Variants in ZRANB1 observed in about 807,000 individuals in gnomAD.
ZRANB1 encodes the protein zinc finger RANBP2-type containing 1.
In ZRANB1, 16 loss-of-function variants were observed where a neutral mutation model predicts 80.5. The ratio of observed to expected loss-of-function variants is 0.20; its 90% CI spans 0.13 to 0.30. The LOEUF is 0.30. Among genes scored for constraint, ZRANB1 ranks in the 10% least tolerant of loss-of-function variants. The pLI, the probability that ZRANB1 is intolerant of heterozygous loss-of-function variation, is 1.00. For missense variants in ZRANB1, 576 were observed against 862.6 expected (o/e 0.67, Z 4.16); for synonymous variants, 291 against 293.1 (o/e 0.99, Z 0.07).
upstream of ZRANB1, among the ~76,000 whole-genome samples, chr10:124,939,697 T>C (rs900232825): frequency 1.3e-5 from 2 of 152,220 alleles, no homozygotes; most frequent in African/African-American, 4.8e-5. Context: ...ATGTTCATTA[T>C]GGCATTTATC....
intron 1 of ZRANB1, chr10:124,962,245 C>G (rs139514235): frequency 1.3e-5 from 3 of 226,094 alleles, no homozygotes; most frequent in Non-Finnish European, 2.2e-5. Context: ...TGGTAAAGGA[C>G]ATTCTGAACA....
chr10:124,981,425 A>C, intron 5 of ZRANB1: 1 of 209,684 alleles, frequency 4.8e-6, no homozygotes, highest in Non-Finnish European at 9.0e-6. Context: ...CTAATTGTGG[A>C]CAGTGGAAAA....
chr10:124,954,163 T>C (rs1435192042), intron 1 of ZRANB1, among the ~76,000 whole-genome samples: 4 of 146,060 alleles, frequency 2.7e-5, no homozygotes, highest in Non-Finnish European at 6.0e-5. Context: ...TTTTTTTTTT[T>C]TTTGTAGAGG....
chr10:124,980,636 G>A (rs1330270119), intron 5 of ZRANB1, among the ~76,000 whole-genome samples: 3 of 152,190 alleles, frequency 2.0e-5, no homozygotes, highest in Non-Finnish European at 2.9e-5. Context: ...CCTCAGTTAC[G>A]TGGAGTATGA....
upstream of ZRANB1, among the ~76,000 whole-genome samples, chr10:124,941,848 C>T (rs925750232): frequency 5.3e-5 from 8 of 152,110 alleles, no homozygotes; most frequent in Admixed American, 5.2e-4. Flanking sequence ...AAGGAACTAC[C>T]TATTTCATAA....
Position 124,983,371 on chromosome 10 carries a change from GCA to G in ZRANB1, c.1678+68_1678+69del. ...GGAATGGCTCAGATGTCAGGAAGGA[GCA>G]GTGGACAGGGGAATGTGAACAAGGG... On this transcript the variant is annotated intron_variant, in intron 7 of 8. Transcript: ENST00000359653. This position sits in a 1 kb window ranked among gnomAD's most constrained non-coding sequence, Gnocchi z 6.2. The G allele has an allele frequency of 6.3e-7, 1 of 1,599,382 alleles. No homozygotes were observed. The highest frequency in any genetic ancestry group is 8.5e-7 in the Non-Finnish European group (1 of 1,170,948).
rs563534323 is a variant in ZRANB1 at position 124,972,958 on chromosome 10, T to G, written c.1157-687T>G. 3.5e-4 allele frequency among the ~76,000 whole-genome samples: 53 copies of G among 152,174 alleles called. 1 individual carries two copies. The South Asian group carries it at 5.2e-3, about 15-fold the overall frequency. On this transcript the variant is annotated intron_variant, in intron 3 of 8. Coordinates refer to ENST00000359653, the MANE Select transcript of ZRANB1 (RefSeq NM_017580.3). The stretch of plus-strand genomic sequence containing the variant: ...ACCCCTGGCTAATTTTTAATTTTTT[T>G]GTAGAGATGGAGTCTCGCAGTATTA...
the ZRANB1 span, chr10:124,917,174 T>TCGCCGCTGCCGCCGCCGCCGC: frequency 6.0e-6 from 1 of 165,916 alleles, no homozygotes; most frequent in Non-Finnish European, 1.2e-5. Flanking sequence ...GCGCGGGGAG[T>TCGCCGCTGCCGCCGCCGCCGC]CGCCGCTGCC....
the ZRANB1 span, among the ~76,000 whole-genome samples, chr10:124,922,605 G>C: frequency 4.0e-5 from 6 of 151,090 alleles, no homozygotes; most frequent in Admixed American, 6.6e-5. Context: ...TGATTCTCCT[G>C]CCTCAGCCTT....
chr10:124,930,243 C>T, the ZRANB1 span, among the ~76,000 whole-genome samples: 1 of 152,070 alleles, frequency 6.6e-6, no homozygotes, highest in Non-Finnish European at 1.5e-5. Context: ...TTTGAAAGTG[C>T]AGTACATTTC....
intron 1 of ZRANB1, among the ~76,000 whole-genome samples, chr10:124,963,566 T>TTTTTTTTTTTTTTTG (rs1564962082): frequency 2.2e-5 from 3 of 134,194 alleles, no homozygotes; most frequent in South Asian, 4.6e-4. Flanking sequence ...TTTTTTTTTT[T>TTTTTTTTTTTTTTTG]TTTTTTTTTT....
At chr10:124,947,201 T>G (rs1383717957) in intron 1 of ZRANB1, among the ~76,000 whole-genome samples, 1 of 152,166 alleles carries the variant, frequency 6.6e-6, no homozygotes, top group Non-Finnish European at 1.5e-5. Context: ...ATATCAGTAG[T>G]AGAGCCTGAG....
At chr10:124,939,254 T>C (rs1281004762), upstream of ZRANB1, among the ~76,000 whole-genome samples, 2 of 151,888 alleles carry the variant, frequency 1.3e-5, no homozygotes, top group Admixed American at 1.3e-4. Flanking sequence ...AGGTTGGTCT[T>C]GAATCCTGGA....
intron 5 of ZRANB1, chr10:124,981,482 G>A (rs1008493194): frequency 6.6e-5 from 22 of 334,586 alleles, no homozygotes; most frequent in Non-Finnish European, 1.6e-5. Context: ...TTTGGTTGTC[G>A]GTAAATCAAA....
At chr10:124,922,283 T>TATATATATATATGTAAA in the ZRANB1 span, among the ~76,000 whole-genome samples, 29 of 36,730 alleles carry the variant, frequency 7.9e-4, 2 homozygotes, top group African/African-American at 1.2e-3. Flanking sequence ...ATATGTAAAA[T>TATATATATATATGTAAA]ATATATATAT....
At chr10:124,932,014 C>T in the ZRANB1 span, among the ~76,000 whole-genome samples, 1 of 152,162 alleles carries the variant, frequency 6.6e-6, no homozygotes, top group African/African-American at 2.4e-5. Flanking sequence ...GATCTTTTTA[C>T]TGTCTTCATG....
chr10:124,923,941 CA>C, the ZRANB1 span, among the ~76,000 whole-genome samples: 108 of 148,644 alleles, frequency 7.3e-4, 1 homozygote, highest in African/African-American at 2.7e-3. Flanking sequence ...TATCTCTTAC[CA>C]AAAAAAAAGA....
upstream of ZRANB1, chr10:124,942,049 T>C (rs1346759129): frequency 3.6e-5 from 22 of 609,290 alleles, no homozygotes; most frequent in Non-Finnish European, 1.0e-5. Context: ...GTTATGTGTT[T>C]AAGCTATTTT....
intron 4 of ZRANB1, 146 bp downstream of exon 4, chr10:124,973,862 T>C (rs542928155): frequency 1.1e-5 from 8 of 752,366 alleles, no homozygotes; most frequent in Admixed American, 6.0e-5. Flanking sequence ...TTCAGTGTTA[T>C]ATTGTATGGT....
Sources: allele counts gnomAD v4.1 joint callset (sites outside exome capture counted in the v4.1 genomes callset), GRCh38; gene constraint gnomAD v4.1.1; non-coding constraint Gnocchi (gnomAD v3.1); transcripts MANE v1.5; gene names NCBI Gene and HGNC (gene_info 2026-07-23, HGNC 2026-07-21).